The following ANTXR1 variants were observed in gnomAD, a reference collection of about 807,000 sequenced individuals.
The protein encoded by ANTXR1 is anthrax toxin receptor 1.
Under a neutral mutation model 78.1 loss-of-function variants are expected in ANTXR1, and 19 were observed. The ratio of observed to expected loss-of-function variants is 0.24; its 90% CI spans 0.17 to 0.36. The LOEUF (loss-of-function observed/expected upper bound fraction) is 0.36. ANTXR1 is among the 10% of genes least tolerant of loss of function. The pLI, the probability that ANTXR1 is intolerant of heterozygous loss-of-function variation, is 1.00. For synonymous variants in ANTXR1, 273 were observed against 260.5 expected (o/e 1.05, Z -0.46); for missense variants, 518 against 718.6 (o/e 0.72, Z 3.19).
chr2:69,108,042 A>G (rs1004958935), intron 10 of ANTXR1, among the ~76,000 whole-genome samples: 9 of 152,242 alleles, frequency 5.9e-5, no homozygotes, highest in Non-Finnish European at 1.3e-4. Context: ...TTCTGTAATG[A>G]TGGAAGTGTT....
chr2:69,225,489 T>C (rs936355344), intron 17 of ANTXR1, among the ~76,000 whole-genome samples: 1 of 152,182 alleles, frequency 6.6e-6, no homozygotes, highest in African/African-American at 2.4e-5. Context: ...TTATTTTTTA[T>C]TTTATTAAAT....
At chr2:69,123,484 C>T (rs142868901) in intron 11 of ANTXR1, among the ~76,000 whole-genome samples, 1,797 of 152,272 alleles carry the variant, frequency 0.012, 14 homozygotes, top group Non-Finnish European at 0.02. Context: ...ACCATTGCCC[C>T]GCTAGATAAT....
rs1047025930 is a variant in ANTXR1, at chr2:69,249,224, A to G, written c.*3739A>G. On this transcript the variant is annotated 3_prime_UTR_variant, in exon 18 of 18. Transcript: ENST00000303714. The stretch of plus-strand genomic sequence containing the variant: ...AAAGTGCAACGTATTCAAGTCCTCA[A>G]TATCCTGATCATAATACCATGCTAT... 1 of 151,928 alleles carries G rather than the reference A, an allele frequency of 6.6e-6. No homozygotes were observed. Among genetic ancestry groups the G allele is most frequent in the African/African-American group, 2.4e-5 (1 of 41,336 alleles). The allele number at this position is 151,928 out of a possible 1,614,324, so 9.4% of individuals were successfully genotyped here.
At chr2:69,040,394 T>G (rs1039221767) in intron 2 of ANTXR1, among the ~76,000 whole-genome samples, 123 of 152,338 alleles carry the variant, frequency 8.1e-4, no homozygotes, top group African/African-American at 2.9e-3. Context: ...CTTATTACCT[T>G]TAACATTTTT....
chr2:69,096,370 G>A (rs199884378), intron 9 of ANTXR1, among the ~76,000 whole-genome samples: 58,597 of 64,620 alleles, frequency 0.91, 26,915 homozygotes, highest in East Asian at 0.98. Context: ...GGGAGGAAGG[G>A]AGGAAGGAGG....
intron 2 of ANTXR1, 45 bp downstream of exon 2, chr2:69,040,160 G>T (rs1405881638): frequency 1.4e-5 from 22 of 1,530,226 alleles, no homozygotes; most frequent in Non-Finnish European, 2.0e-5. Context: ...TCTCTGTCAT[G>T]AGTCAAACTA....
chr2:69,027,621 A>AGTGTGTGTGTGTGTGTGTGTAT (rs10631795), intron 1 of ANTXR1, among the ~76,000 whole-genome samples: 7 of 146,858 alleles, frequency 4.8e-5, no homozygotes, highest in Admixed American at 2.0e-4. Flanking sequence ...AGATGATGCA[A>AGTGTGTGTGTGTGTGTGTGTAT]GTGTGTGTGT....
At chr2:69,237,692 A>G (rs1362971337) in intron 17 of ANTXR1, among the ~76,000 whole-genome samples, 3 of 152,206 alleles carry the variant, frequency 2.0e-5, no homozygotes, top group Non-Finnish European at 4.4e-5. Context: ...AAGTGCTGAG[A>G]TTACAGGCAT....
intron 17 of ANTXR1, among the ~76,000 whole-genome samples, chr2:69,227,197 C>T (rs1573990846): frequency 6.6e-6 from 1 of 152,198 alleles, no homozygotes; most frequent in Non-Finnish European, 1.5e-5. Flanking sequence ...TTCTGTCTGA[C>T]ATCAGCCAGA....
chr2:69,246,909 T>C lies in ANTXR1; in HGVS notation c.*1424T>C, dbSNP rs888782504. 7 of 152,230 alleles carry C rather than the reference T, an allele frequency of 4.6e-5. No individual in the cohort carries two copies. The highest frequency in any genetic ancestry group is 4.6e-4 in the Admixed American group (7 of 15,282). The allele number at this position is 152,230 out of a possible 1,614,324, so 9.4% of individuals were successfully genotyped here. A position where few individuals can be genotyped will look rare whatever the true frequency, so the allele number is the denominator to read the frequency against. ...AAATTCCTGTCCCAAGCCACCCAAA[T>C]TCTCAGATCTTTTCTGGAACAAGGC... On this transcript the variant is annotated 3_prime_UTR_variant, in exon 18 of 18. Transcript: ENST00000303714.
At position 69,181,893 on chromosome 2, in the gene ANTXR1, G is replaced by C; in HGVS notation, c.1185+12G>C. ...TTAAAAGAATGGAGGTAAGAGGACA[G>C]CTTCATATACACTTATCTATGTGCT... On this transcript the variant is annotated intron_variant, in intron 15 of 17. Transcript: ENST00000303714. 6.2e-7 allele frequency: 1 copy of C among 1,613,278 alleles called. No individual in the cohort carries two copies. Among genetic ancestry groups the C allele is most frequent in the Non-Finnish European group, 8.5e-7 (1 of 1,179,272 alleles).
chr2:69,059,064 G>A (rs1670153938), intron 3 of ANTXR1, among the ~76,000 whole-genome samples: 1 of 152,194 alleles, frequency 6.6e-6, no homozygotes, highest in Non-Finnish European at 1.5e-5. Flanking sequence ...GATGAGCAAA[G>A]AAAGTGGTTT....
chr2:69,096,218 A>T (rs1671396732), intron 9 of ANTXR1, among the ~76,000 whole-genome samples: 1 of 150,366 alleles, frequency 6.7e-6, no homozygotes, highest in South Asian at 2.1e-4. Context: ...AGATCATGTC[A>T]CTGCACTCCA....
intron 9 of ANTXR1, among the ~76,000 whole-genome samples, chr2:69,092,574 A>G (rs1671274492): frequency 6.6e-6 from 1 of 152,270 alleles, no homozygotes; most frequent in Non-Finnish European, 1.5e-5. Flanking sequence ...CCAAAAGATT[A>G]CCTACTGACC....
chr2:69,132,920 G>C (rs1380404191), intron 12 of ANTXR1, among the ~76,000 whole-genome samples: 1 of 152,218 alleles, frequency 6.6e-6, no homozygotes, highest in Non-Finnish European at 1.5e-5. Flanking sequence ...ATTACTTAAA[G>C]AGGTAAATAT....
intron 16 of ANTXR1, among the ~76,000 whole-genome samples, chr2:69,184,189 T>G (rs1674363447): frequency 6.6e-6 from 1 of 152,234 alleles, no homozygotes; most frequent in Admixed American, 6.5e-5. Context: ...GAAGTACCAT[T>G]TCAGGCAGTG....
At chr2:69,140,849 AC>A (rs1337948320) in intron 12 of ANTXR1, among the ~76,000 whole-genome samples, 5 of 152,170 alleles carry the variant, frequency 3.3e-5, no homozygotes, top group African/African-American at 1.2e-4. Flanking sequence ...AGGTTTAGGT[AC>A]CTAATACTTT....
At chr2:69,144,541 G>A (rs906841395) in intron 12 of ANTXR1, among the ~76,000 whole-genome samples, 1 of 152,202 alleles carries the variant, frequency 6.6e-6, no homozygotes, top group Non-Finnish European at 1.5e-5. Flanking sequence ...CACATCATCA[G>A]CTGCATCCCC....
chr2:69,026,760 A>G (rs917940754), intron 1 of ANTXR1, among the ~76,000 whole-genome samples: 2 of 152,184 alleles, frequency 1.3e-5, no homozygotes, highest in African/African-American at 4.8e-5. Context: ...CAAGTTTATG[A>G]CTTCAGAAAA....
Sources: gnomAD v4.1 joint callset for allele counts (sites outside exome capture counted in the v4.1 genomes callset) on GRCh38, gnomAD v4.1.1 for gene constraint, MANE v1.5 for transcripts, NCBI Gene and HGNC (gene_info 2026-07-23, HGNC 2026-07-21) for gene names.